Variants in MTMR7 observed in about 807,000 individuals in gnomAD.
The protein encoded by MTMR7 is phosphatidylinositol-3-phosphate phosphatase MTMR7.
A neutral mutation model predicts 81.2 loss-of-function variants in MTMR7; 76 were observed. That is an observed-to-expected ratio of 0.94 (90% CI 0.78 to 1.13). The LOEUF (loss-of-function observed/expected upper bound fraction) is 1.13, where lower values mean the gene tolerates loss of function less well. Ranked by LOEUF, MTMR7 falls within the 50% of genes most tolerant of loss-of-function variation. MTMR7 has a pLI of 0.00. For missense variants in MTMR7, 1,044 were observed against 820.0 expected (o/e 1.27, Z -3.34); for synonymous variants, 372 against 289.8 (o/e 1.28, Z -2.88).
At chr8:17,356,429 G>C (rs1472371447) in intron 4 of MTMR7, among the ~76,000 whole-genome samples, 1 of 152,056 alleles carries the variant, frequency 6.6e-6, no homozygotes, top group Non-Finnish European at 1.5e-5. Flanking sequence ...GTCCAGGCAT[G>C]GTGGCTTGCC....
rs143803762 is a variant in MTMR7 at position 17,394,024 on chromosome 8, T to C, written c.24+19245A>G. ...AGATACCGCTTCACACCCATTAGGATAGCTATAATCAAGAGATAACAACAA... is the reference window on the plus strand; with the variant it reads ...AGATACCGCTTCACACCCATTAGGACAGCTATAATCAAGAGATAACAACAA... On this transcript the variant is annotated intron_variant, in intron 1 of 13. Coordinates refer to ENST00000180173, the MANE Select transcript of MTMR7 (RefSeq NM_004686.5). Among the ~76,000 whole-genome samples, 852 of 152,274 alleles carry C rather than the reference T, an allele frequency of 5.6e-3. 5 individuals are homozygous for C. The highest frequency in any genetic ancestry group is 0.019 in the African/African-American group (801 of 41,550).
Position 17,327,721 on chromosome 8 carries a change from C to G in MTMR7, c.865+3429G>C, listed in dbSNP as rs373619798. 6.6e-5 allele frequency among the ~76,000 whole-genome samples: 10 copies of G among 151,638 alleles called. No homozygotes were observed. In the East Asian group the frequency reaches 1.5e-3, roughly 23 times the overall value. ...AATAATACGATAAATATTTAGAGCA[C>G]TAGTTTTACCACATTCTTTTGAGTA... On this transcript the variant is annotated intron_variant, in intron 7 of 13. Transcript: ENST00000180173.
intron 1 of MTMR7, among the ~76,000 whole-genome samples, chr8:17,410,289 A>G (rs976609605): frequency 1.1e-4 from 17 of 152,340 alleles, no homozygotes; most frequent in Admixed American, 1.1e-3. Flanking sequence ...AATGCCTTCC[A>G]GAAAGACCAA....
At chr8:17,341,582 G>T in intron 5 of MTMR7, 85 bp from the exon 6 acceptor site, 1 of 1,487,668 alleles carries the variant, frequency 6.7e-7, no homozygotes, top group Non-Finnish European at 9.0e-7. Context: ...AGAACAAAGA[G>T]CCCTTGGCTC....
intron 9 of MTMR7, 127 bp downstream of exon 9, chr8:17,311,384 A>T: frequency 8.0e-7 from 1 of 1,244,340 alleles, no homozygotes; most frequent in Non-Finnish European, 1.1e-6. Context: ...TTCCCCTTTA[A>T]TCTTGCTGAG....
intron 7 of MTMR7, among the ~76,000 whole-genome samples, chr8:17,327,641 TAAA>T (rs56151155): frequency 0.34 from 50,671 of 148,656 alleles, 11,320 homozygotes; most frequent in African/African-American, 0.63. Flanking sequence ...AGAAACCTGG[TAAA>T]AAAAAAAACT....
intron 2 of MTMR7, among the ~76,000 whole-genome samples, chr8:17,372,614 T>C (rs923524592): frequency 3.9e-5 from 6 of 152,004 alleles, no homozygotes; most frequent in Admixed American, 3.9e-4. Flanking sequence ...ATAATAATTA[T>C]TATTATTTAG....
At chr8:17,307,635 C>CT (rs1283378386) in intron 10 of MTMR7, among the ~76,000 whole-genome samples, 3 of 152,288 alleles carry the variant, frequency 2.0e-5, no homozygotes, top group African/African-American at 7.2e-5. Context: ...TGGAACCAAC[C>CT]TATATGTCCA....
At chr8:17,333,803 C>T (rs1433894750) in intron 6 of MTMR7, among the ~76,000 whole-genome samples, 5 of 152,010 alleles carry the variant, frequency 3.3e-5, no homozygotes, top group Admixed American at 2.6e-4. Flanking sequence ...GAGCTGTGAT[C>T]GTGCCACTGT....
At chr8:17,381,795 T>C (rs543947902) in intron 1 of MTMR7, among the ~76,000 whole-genome samples, 24 of 152,340 alleles carry the variant, frequency 1.6e-4, no homozygotes, top group African/African-American at 5.3e-4. Context: ...GCTAGATAAA[T>C]AGTTTGTTGT....
chr8:17,314,452 C>G (rs916216825), intron 7 of MTMR7, among the ~76,000 whole-genome samples: 2 of 152,110 alleles, frequency 1.3e-5, no homozygotes, highest in African/African-American at 2.4e-5. Flanking sequence ...TAAATTATAT[C>G]CTTCCAACTG....
At chr8:17,333,755 G>A (rs1000471627) in intron 6 of MTMR7, among the ~76,000 whole-genome samples, 4 of 152,120 alleles carry the variant, frequency 2.6e-5, no homozygotes, top group African/African-American at 9.7e-5. Context: ...AGGCAGAGGT[G>A]GGAGGACTGC....
chr8:17,337,407 C>G (rs917414274), intron 6 of MTMR7, among the ~76,000 whole-genome samples: 7 of 149,902 alleles, frequency 4.7e-5, no homozygotes, highest in African/African-American at 1.5e-4. Context: ...ACAAGCTCAG[C>G]AAAGTCCCAG....
intron 8 of MTMR7, among the ~76,000 whole-genome samples, chr8:17,312,764 A>G (rs1331532525): frequency 6.6e-6 from 1 of 152,140 alleles, no homozygotes; most frequent in Non-Finnish European, 1.5e-5. Context: ...GCATCAGGGA[A>G]GATATGGTTC....
chr8:17,408,442 T>A (rs1421146838), intron 1 of MTMR7, among the ~76,000 whole-genome samples: 2 of 151,534 alleles, frequency 1.3e-5, no homozygotes, highest in African/African-American at 4.9e-5. Flanking sequence ...TCACCGTCAT[T>A]ATTTCAGAAG....
chr8:17,378,417 G>T (rs763463617), intron 1 of MTMR7, among the ~76,000 whole-genome samples: 40 of 152,184 alleles, frequency 2.6e-4, no homozygotes, highest in Non-Finnish European at 4.6e-4. Context: ...AAATTTCAGA[G>T]TTTGGGCACC....
intron 1 of MTMR7, among the ~76,000 whole-genome samples, chr8:17,377,330 T>C (rs1407664796): frequency 6.6e-6 from 1 of 152,122 alleles, no homozygotes; most frequent in African/African-American, 2.4e-5. Flanking sequence ...CAAATTATCT[T>C]ACTGCAGATT....
intron 6 of MTMR7, among the ~76,000 whole-genome samples, chr8:17,336,421 C>A (rs1819238096): frequency 6.6e-6 from 1 of 152,092 alleles, no homozygotes; most frequent in Non-Finnish European, 1.5e-5. Flanking sequence ...CGCCCCAGTT[C>A]TCTTCACTCT....
intron 1 of MTMR7, among the ~76,000 whole-genome samples, chr8:17,379,067 T>G (rs1333173165): frequency 6.6e-6 from 1 of 152,150 alleles, no homozygotes; most frequent in Non-Finnish European, 1.5e-5. Context: ...ATCAGGAGAT[T>G]CTGCTATCAA....
Sources: allele counts gnomAD v4.1 joint callset (sites outside exome capture counted in the v4.1 genomes callset), GRCh38; gene constraint gnomAD v4.1.1; transcripts MANE v1.5; gene names NCBI Gene and HGNC (gene_info 2026-07-23, HGNC 2026-07-21).